Variants in SCN10A observed in about 807,000 individuals in gnomAD.
SCN10A encodes the protein sodium channel protein type 10 subunit alpha.
SCN10A carries 162 observed loss-of-function variants against 170.7 expected under a neutral mutation model. The observed-to-expected ratio is 0.95, with a 90% CI of 0.84 to 1.08. SCN10A has a LOEUF of 1.08. SCN10A is among the 50% of genes least tolerant of loss of function. The pLI, the probability that SCN10A is intolerant of heterozygous loss-of-function variation, is 0.00. For synonymous variants in SCN10A, 985 were observed against 904.6 expected (o/e 1.09, Z -1.59); for missense variants, 2,527 against 2,436.9 (o/e 1.04, Z -0.78).
intron 3 of SCN10A, among the ~76,000 whole-genome samples, chr3:38,790,529 T>C (rs963720340): frequency 2.6e-5 from 4 of 152,008 alleles, no homozygotes; most frequent in Middle Eastern, 3.2e-3. Flanking sequence ...CCAGAATCCA[T>C]AAAGAGGAGT....
At chr3:38,774,521 C>G (rs1371125355) in intron 4 of SCN10A, among the ~76,000 whole-genome samples, 1 of 152,026 alleles carries the variant, frequency 6.6e-6, no homozygotes, top group African/African-American at 2.4e-5. Context: ...AGTGCTTTTT[C>G]TGGTGAATGA....
At chr3:38,793,579 T>A (rs555836866) in intron 2 of SCN10A, among the ~76,000 whole-genome samples, 162 bp downstream of exon 2, 1 of 152,228 alleles carries the variant, frequency 6.6e-6, no homozygotes, top group East Asian at 1.9e-4. Flanking sequence ...AAAGAGATCA[T>A]CAAATAAGTT....
rs777204274 is a variant in SCN10A at position 38,752,475 on chromosome 3, C to T, written c.1499G>A (p.Ser500Asn). The T allele has an allele frequency of 6.2e-7, 1 of 1,607,400 alleles. No homozygotes were observed. The highest frequency in any genetic ancestry group is 8.5e-7 in the Non-Finnish European group (1 of 1,176,414). ...CCGGAAATGGAACACACTGCCATGA[C>T]TAGCCCGGCGTTTTCCAGAGGCGAG... ...LGLASGKRRASHGSVFHFRSP... is the reference protein window; with the variant it reads ...LGLASGKRRANHGSVFHFRSP... Residue 500 changes from serine to asparagine, a missense_variant, in exon 12 of 28, where the codon AGT (serine) becomes AAT (asparagine). By Grantham distance (46) the Ser-to-Asn change is conservative. Transcript: ENST00000449082.
intron 27 of SCN10A, among the ~76,000 whole-genome samples, chr3:38,700,537 A>G (rs1489316098): frequency 1.3e-5 from 2 of 152,216 alleles, no homozygotes; most frequent in Non-Finnish European, 2.9e-5. Context: ...TCATGGGTGT[A>G]TACTTATCTC....
chr3:38,757,228 CCA>C, intron 8 of SCN10A, 69 bp from the exon 9 acceptor site: 1 of 1,468,224 alleles, frequency 6.8e-7, no homozygotes, highest in Non-Finnish European at 9.2e-7. Flanking sequence ...TGCGAGACAA[CCA>C]CAGAGTTTTA....
At chr3:38,760,551 A>T in intron 8 of SCN10A, 130 bp downstream of exon 8, 4 of 746,064 alleles carry the variant, frequency 5.4e-6, no homozygotes, top group Non-Finnish European at 9.2e-6. Context: ...TGGGTTGGCA[A>T]AGGCCATGAT....
chr3:38,743,618 A>G (rs1489141367), intron 13 of SCN10A, among the ~76,000 whole-genome samples: 3 of 152,138 alleles, frequency 2.0e-5, no homozygotes, highest in Non-Finnish European at 2.9e-5. Context: ...AACATTTGAC[A>G]GAATTTATAT....
At chr3:38,719,743 G>A (rs577761370) in intron 20 of SCN10A, among the ~76,000 whole-genome samples, 1 of 152,310 alleles carries the variant, frequency 6.6e-6, no homozygotes, top group African/African-American at 2.4e-5. Flanking sequence ...CCTGTGTGAA[G>A]CCAAATTGGC....
At chr3:38,785,573 C>A (rs2064189567) in intron 4 of SCN10A, among the ~76,000 whole-genome samples, 2 of 152,142 alleles carry the variant, frequency 1.3e-5, no homozygotes, top group South Asian at 4.1e-4. Flanking sequence ...TAGGCATGGG[C>A]AAAGGCTTTA....
In SCN10A at chr3:38,712,452, G is replaced by T. The variant is rs750148431; in HGVS notation, c.3805-7C>A. The T allele has an allele frequency of 6.2e-7, 1 of 1,612,374 alleles. No homozygotes were observed. Among genetic ancestry groups the T allele is most frequent in the Admixed American group, 1.7e-5 (1 of 59,914 alleles). ...CCAGGGCATCCACCACCACCTGGTG[G>T]GAGATAGAGAAAGACCTGGAACCTC... is the stretch of plus-strand genomic sequence containing the variant. On this transcript the variant is annotated splice_polypyrimidine_tract_variant and splice_region_variant and intron_variant, in intron 22 of 27. Coordinates refer to ENST00000449082, the MANE Select transcript of SCN10A (RefSeq NM_006514.4).
At chr3:38,755,006 G>A (rs541266364) in intron 11 of SCN10A, among the ~76,000 whole-genome samples, 6 of 152,182 alleles carry the variant, frequency 3.9e-5, no homozygotes, top group East Asian at 1.9e-4. Context: ...GGGAGGAAGC[G>A]TGGCGAGGAA....
rs374174692 is a variant in SCN10A, at chr3:38,812,855, G to A, written c.-33+3182C>T. On this transcript the variant is annotated intron_variant, in intron 1 of 27. Transcript: ENST00000449082. ...TCGAGACCAGCCTGGGCAACATGGCGAGACCCTGTCTCTACCAAAACCACA... is the reference window on the plus strand; with the variant it reads ...TCGAGACCAGCCTGGGCAACATGGCAAGACCCTGTCTCTACCAAAACCACA... Among the ~76,000 whole-genome samples, 88 of 152,128 alleles carry A rather than the reference G, an allele frequency of 5.8e-4. 1 individual carries two copies. In the South Asian group the frequency reaches 0.016, roughly 28 times the overall value.
chr3:38,799,553 G>A (rs2064359355), intron 1 of SCN10A, among the ~76,000 whole-genome samples: 2 of 152,186 alleles, frequency 1.3e-5, no homozygotes, highest in Admixed American at 1.3e-4. Context: ...GAACGTGGCA[G>A]GGAGATAGAG....
intron 15 of SCN10A, among the ~76,000 whole-genome samples, chr3:38,737,625 C>A (rs9820042): frequency 1.3e-5 from 2 of 151,892 alleles, no homozygotes; most frequent in African/African-American, 4.8e-5. Context: ...TTTTTAAAAA[C>A]TGGATTAGTA....
At chr3:38,710,994 T>G (rs2063267984) in intron 23 of SCN10A, 97 bp from the exon 24 acceptor site, 4 of 1,029,712 alleles carry the variant, frequency 3.9e-6, no homozygotes, top group Non-Finnish European at 5.9e-6. Context: ...GAGAGAGTCC[T>G]GTGTTGGAAA....
intron 10 of SCN10A, 110 bp downstream of exon 10, chr3:38,756,564 T>G: frequency 1.2e-6 from 1 of 845,592 alleles, no homozygotes; most frequent in Non-Finnish European, 1.9e-6. Flanking sequence ...GCAAGATGAT[T>G]CCTCCTATAG....
intron 20 of SCN10A, among the ~76,000 whole-genome samples, chr3:38,719,687 C>G (rs889431049): frequency 1.3e-5 from 2 of 152,174 alleles, no homozygotes; most frequent in Admixed American, 1.3e-4. Flanking sequence ...GCCACCGCGC[C>G]CGGCCACTCT....
In SCN10A at chr3:38,784,688, A is replaced by C. The variant is rs111771510; in HGVS notation, c.470+4268T>G. ...ATTCAAATAGGAAAAGAGGAAGTCA[A>C]ATTGTCTCTGTTTGCAGATGACATG... On this transcript the variant is annotated intron_variant, in intron 4 of 27. Coordinates refer to ENST00000449082, the MANE Select transcript of SCN10A (RefSeq NM_006514.4). Among the ~76,000 whole-genome samples, 3 of 151,970 alleles carry C rather than the reference A, an allele frequency of 2.0e-5. No homozygotes were observed. The East Asian group carries it at 5.8e-4, about 29-fold the overall frequency.
At chr3:38,746,916 G>A (rs1173472034) in intron 13 of SCN10A, among the ~76,000 whole-genome samples, 2 of 152,180 alleles carry the variant, frequency 1.3e-5, no homozygotes, top group Admixed American at 1.3e-4. Context: ...CATGCTTTGA[G>A]TTCAGTGAAT....
Sources: gnomAD v4.1 joint callset for allele counts (sites outside exome capture counted in the v4.1 genomes callset) on GRCh38, gnomAD v4.1.1 for gene constraint, MANE v1.5 for transcripts, NCBI Gene and HGNC (gene_info 2026-07-23, HGNC 2026-07-21) for gene names.